The following AGMO variants were observed in gnomAD, a reference collection of about 807,000 sequenced individuals.
The protein encoded by AGMO is alkylglycerol monooxygenase, also known as glyceryl-ether monooxygenase.
In AGMO, 75 loss-of-function variants were observed where a neutral mutation model predicts 60.2. The ratio of observed to expected loss-of-function variants is 1.25; its 90% CI spans 1.03 to 1.51. AGMO has a LOEUF of 1.51. AGMO is among the 40% of genes most tolerant of loss of function. AGMO has a pLI of 0.00. For missense variants in AGMO, 763 were observed against 525.5 expected (o/e 1.45, Z -4.42); for synonymous variants, 261 against 177.1 (o/e 1.47, Z -3.76).
At position 15,274,793 on chromosome 7, in the gene AGMO, G is replaced by A. The variant is rs141402844; in HGVS notation, c.1264-73434C>T. Among the ~76,000 whole-genome samples the A allele has an allele frequency of 8.6e-3, 1,303 of 151,264 alleles. 39 individuals are homozygous for A. The highest frequency in any genetic ancestry group is 0.069 in the Admixed American group (1,048 of 15,226). ...TAATGTTTCCTGGTTCAATCATGGG[G>A]TTCCAGGAATTTTTTCCATTTCCTC... On this transcript the variant is annotated intron_variant, in intron 12 of 12. Coordinates refer to ENST00000342526, the MANE Select transcript of AGMO (RefSeq NM_001004320.2).
chr7:15,514,358 T>C (rs1010201338), intron 3 of AGMO, among the ~76,000 whole-genome samples: 3 of 152,190 alleles, frequency 2.0e-5, no homozygotes, highest in African/African-American at 7.2e-5. Flanking sequence ...TTGTTATATA[T>C]GTGAATGATA....
chr7:15,250,867 C>A (rs540301143), intron 12 of AGMO, among the ~76,000 whole-genome samples: 1 of 151,826 alleles, frequency 6.6e-6, no homozygotes, highest in African/African-American at 2.4e-5. Flanking sequence ...ATCGCTTGAA[C>A]CCGGGAGGCA....
At chr7:15,424,830 G>C (rs563785338) in intron 4 of AGMO, among the ~76,000 whole-genome samples, 1 of 152,188 alleles carries the variant, frequency 6.6e-6, no homozygotes, top group African/African-American at 2.4e-5. Context: ...AAAGAGTTAT[G>C]AGAATTTATC....
chr7:15,185,279 GATATA>G, the AGMO span, among the ~76,000 whole-genome samples: 1 of 152,000 alleles, frequency 6.6e-6, no homozygotes, highest in Non-Finnish European at 1.5e-5. Context: ...TAAACTAAAA[GATATA>G]ATATATTTGA....
intron 3 of AGMO, among the ~76,000 whole-genome samples, chr7:15,436,374 T>G (rs867729442): frequency 1.3e-5 from 2 of 152,196 alleles, no homozygotes; most frequent in South Asian, 2.1e-4. Context: ...TCCTTCTAAG[T>G]GGAAGAACGT....
chr7:15,428,265 A>G (rs1463625792), intron 4 of AGMO, among the ~76,000 whole-genome samples: 1 of 152,048 alleles, frequency 6.6e-6, no homozygotes, highest in African/African-American at 2.4e-5. Flanking sequence ...CATCTCTCCT[A>G]TCTTCCAAGG....
At chr7:15,337,709 T>A (rs1372219008) in intron 12 of AGMO, among the ~76,000 whole-genome samples, 1 of 152,164 alleles carries the variant, frequency 6.6e-6, no homozygotes, top group Non-Finnish European at 1.5e-5. Flanking sequence ...GCAGCATCAG[T>A]CAAGGGGCAA....
rs529706640 is a variant in AGMO at position 15,334,793 on chromosome 7, G to A, written c.1263+30721C>T. On this transcript the variant is annotated intron_variant, in intron 12 of 12. Transcript: ENST00000342526. The stretch of plus-strand genomic sequence containing the variant: ...TGAAACCAAGTGTTACATCATTAAA[G>A]CTGAATTACAACATACCCATGGCGT... Among the ~76,000 whole-genome samples, 3 of 152,226 alleles carry A rather than the reference G, an allele frequency of 2.0e-5. No individual in the cohort carries two copies. In the East Asian group the frequency reaches 5.8e-4, roughly 29 times the overall value.
chr7:15,211,342 A>G (rs766332457), intron 12 of AGMO, among the ~76,000 whole-genome samples: 8 of 152,158 alleles, frequency 5.3e-5, no homozygotes, highest in Non-Finnish European at 8.8e-5. Context: ...TTGTAAGTAG[A>G]TTTTGGAACA....
At chr7:15,445,159 C>A (rs943025963) in intron 3 of AGMO, among the ~76,000 whole-genome samples, 1 of 151,982 alleles carries the variant, frequency 6.6e-6, no homozygotes, top group Non-Finnish European at 1.5e-5. Flanking sequence ...TTCTTACTAA[C>A]AAACAATTGT....
the AGMO span, among the ~76,000 whole-genome samples, chr7:15,162,915 G>T: frequency 2.0e-5 from 3 of 151,960 alleles, no homozygotes; most frequent in African/African-American, 4.8e-5. Context: ...GGCCTCTATG[G>T]TCATTTTAAC....
chr7:15,304,785 G>C (rs1282341155), intron 12 of AGMO, among the ~76,000 whole-genome samples: 1 of 151,918 alleles, frequency 6.6e-6, no homozygotes, highest in African/African-American at 2.4e-5. Flanking sequence ...TACAGAACTG[G>C]AAAATGATAA....
At chr7:15,529,756 ATATATATTTCTC>A (rs1297521077) in intron 3 of AGMO, among the ~76,000 whole-genome samples, 1 of 114,296 alleles carries the variant, frequency 8.7e-6, no homozygotes, top group African/African-American at 3.5e-5. Context: ...ATATTTCTAT[ATATATATTTCTC>A]TATATATATT....
chr7:15,197,579 T>C (rs1211881181), downstream of AGMO, among the ~76,000 whole-genome samples: 1 of 152,194 alleles, frequency 6.6e-6, no homozygotes, highest in Non-Finnish European at 1.5e-5. Context: ...ATGGCATAAC[T>C]AATAGAGCTA....
At chr7:15,451,517 G>T (rs541579557) in intron 3 of AGMO, among the ~76,000 whole-genome samples, 6 of 152,054 alleles carry the variant, frequency 3.9e-5, no homozygotes, top group Non-Finnish European at 8.8e-5. Context: ...CTAGGTGGGG[G>T]CTTGCTCACT....
At chr7:15,351,163 A>T (rs554226223) in intron 12 of AGMO, among the ~76,000 whole-genome samples, 21 of 152,234 alleles carry the variant, frequency 1.4e-4, no homozygotes, top group South Asian at 8.3e-4. Flanking sequence ...TTCATTCTAG[A>T]AACTAAACAA....
chr7:15,342,750 G>T (rs1046690140), intron 12 of AGMO, among the ~76,000 whole-genome samples: 142 of 96,708 alleles, frequency 1.5e-3, no homozygotes, highest in Non-Finnish European at 2.0e-3. Flanking sequence ...CAAGGCTTTT[G>T]TTCTTTATGT....
the AGMO span, among the ~76,000 whole-genome samples, chr7:15,117,509 C>T: frequency 1.3e-5 from 2 of 151,736 alleles, no homozygotes; most frequent in Non-Finnish European, 2.9e-5. Flanking sequence ...ATTAGTGCTC[C>T]AATATACCTA....
chr7:15,477,229 T>C (rs1350066369), intron 3 of AGMO, among the ~76,000 whole-genome samples: 1 of 152,030 alleles, frequency 6.6e-6, no homozygotes, highest in Non-Finnish European at 1.5e-5. Flanking sequence ...AAAATAAATA[T>C]TGAAGAACAA....
Sources: allele counts gnomAD v4.1 joint callset (sites outside exome capture counted in the v4.1 genomes callset), GRCh38; gene constraint gnomAD v4.1.1; transcripts MANE v1.5; gene names NCBI Gene and HGNC (gene_info 2026-07-23, HGNC 2026-07-21).